ADAMTS16: variants seen among roughly 807,000 people sequenced by gnomAD.
ADAMTS16 encodes ADAM metallopeptidase with thrombospondin type 1 motif 16.
Under a neutral mutation model 145.8 loss-of-function variants are expected in ADAMTS16, and 94 were observed. The ratio of observed to expected loss-of-function variants is 0.64; its 90% CI spans 0.55 to 0.77. ADAMTS16 has a LOEUF of 0.77. Ranked by LOEUF, ADAMTS16 falls within the 30% of genes least tolerant of loss-of-function variation. The pLI is 0.00. For synonymous variants in ADAMTS16, 659 were observed against 604.3 expected (o/e 1.09, Z -1.33); for missense variants, 1,585 against 1,591.5 (o/e 1.00, Z 0.07).
Position 5,215,975 on chromosome 5 carries a change from A to G in ADAMTS16, c.1605+6729A>G, listed in dbSNP as rs185722074. Among the ~76,000 whole-genome samples, 1,240 of 144,592 alleles carry G rather than the reference A, an allele frequency of 8.6e-3. 21 individuals are homozygous for G. The highest frequency in any genetic ancestry group is 0.031 in the African/African-American group (1,184 of 38,156). The allele number at this position is 144,592 out of a possible 152,430, so 94.9% of individuals were successfully genotyped here. On this transcript the variant is annotated intron_variant, in intron 10 of 22. Transcript: ENST00000274181. ...ATTTGGGTTGGTTTCACAATTTTGC[A>G]ATTGTAAATTGTGCTGCTATAAACA...
At position 5,140,478 on chromosome 5, in the gene ADAMTS16, G is replaced by C; in HGVS notation, c.11G>C (p.Arg4Pro). 6.6e-7 allele frequency: 1 copy of C among 1,512,778 alleles called. No individual in the cohort carries two copies. 93.7% of individuals were successfully genotyped at this position (1,512,778 alleles called of 1,614,324 possible). A position where few individuals can be genotyped will look rare whatever the true frequency, so the allele number is the denominator to read the frequency against. The change falls in exon 1 of 23, where the codon CGC (arginine) becomes CCC (proline). Residue 4 changes from arginine (R) to proline (P), a missense_variant. Physicochemically the swap from Arg to Pro is moderately radical, Grantham distance 103. Around this residue, in one of 3 missense-constraint regions of ADAMTS16, gnomAD observed 453 missense variants for 412.1 expected, o/e 1.10. Coordinates refer to ENST00000274181, the MANE Select transcript of ADAMTS16 (RefSeq NM_139056.4). MKPRARGWRGLAAL... is the reference protein window; with the variant it reads MKPPARGWRGLAAL... ...TCGGAGCGCTCCTGGATGAAGCCCC[G>C]CGCGCGCGGATGGCGGGGCTTGGCG...
At position 5,187,079 on chromosome 5, in the gene ADAMTS16, C is replaced by T. The variant is rs115740624; in HGVS notation, c.964-646C>T. On this transcript the variant is annotated intron_variant, in intron 5 of 22. Transcript: ENST00000274181. ...ACCTTCCCGCTGCACGGGGTCAAAGCAAGCACGGCCCTGTTGTCCTCAGCA... is the reference window on the plus strand; with the variant it reads ...ACCTTCCCGCTGCACGGGGTCAAAGTAAGCACGGCCCTGTTGTCCTCAGCA... Among the ~76,000 whole-genome samples, 460 of 152,312 alleles carry T rather than the reference C, an allele frequency of 3.0e-3. 2 individuals carry two copies. The highest frequency in any genetic ancestry group is 0.011 in the African/African-American group (450 of 41,566).
In ADAMTS16 at chr5:5,234,869, C is replaced by CAGAAA. The variant is rs539592178; in HGVS notation, c.1851-144_1851-143insGAAAA. ...TGGGTGACAGAGCGAGACTCCATCTCAAAAAAAAAAAAAAAAAAAGAATCC... is the reference window on the plus strand; with the variant it reads ...TGGGTGACAGAGCGAGACTCCATCTCAGAAAAAAAAAAAAAAAAAAAAAAGAATCC... On this transcript the variant is annotated intron_variant, in intron 12 of 22. Transcript: ENST00000274181. The CAGAAA allele has an allele frequency of 1.0e-3, 58 of 56,474 alleles. 2 individuals are homozygous for CAGAAA. Among genetic ancestry groups the CAGAAA allele is most frequent in the South Asian group, 4.1e-3 (12 of 2,926 alleles). 3.5% of individuals were successfully genotyped at this position (56,474 alleles called of 1,614,324 possible).
At chr5:5,156,245 A>G (rs1734599036) in intron 3 of ADAMTS16, among the ~76,000 whole-genome samples, 1 of 152,212 alleles carries the variant, frequency 6.6e-6, no homozygotes, top group South Asian at 2.1e-4. Flanking sequence ...CAAGCTGCCT[A>G]CTACCCTAAG....
intron 10 of ADAMTS16, among the ~76,000 whole-genome samples, chr5:5,210,889 T>C (rs1360038785): frequency 6.6e-6 from 1 of 152,234 alleles, no homozygotes; most frequent in Non-Finnish European, 1.5e-5. Context: ...TCTTTAGTTT[T>C]TTCCATTGGA....
At chr5:5,245,706 C>T (rs545874860) in intron 17 of ADAMTS16, among the ~76,000 whole-genome samples, 14 of 152,252 alleles carry the variant, frequency 9.2e-5, no homozygotes, top group Admixed American at 3.9e-4. Flanking sequence ...CAAAAGAGGA[C>T]GGATAAATCT....
intron 3 of ADAMTS16, among the ~76,000 whole-genome samples, chr5:5,158,270 G>GT (rs1247130868): frequency 2.0e-5 from 3 of 152,272 alleles, no homozygotes; most frequent in African/African-American, 7.2e-5. Context: ...GATTCCTACA[G>GT]TACCACCACT....
At chr5:5,191,865 C>CAAT in intron 8 of ADAMTS16, 75 bp downstream of exon 8, 1 of 1,113,148 alleles carries the variant, frequency 9.0e-7, no homozygotes, top group Non-Finnish European at 1.3e-6. Context: ...AATATTGACT[C>CAAT]ATCAAGTCAA....
chr5:5,141,048 T>C (rs1734155757), intron 2 of ADAMTS16, among the ~76,000 whole-genome samples: 1 of 152,158 alleles, frequency 6.6e-6, no homozygotes, highest in Admixed American at 6.5e-5. Context: ...CTAAAGAGCT[T>C]AGGAAGAATC....
intron 17 of ADAMTS16, among the ~76,000 whole-genome samples, chr5:5,254,792 C>T (rs1737731661): frequency 1.3e-5 from 2 of 152,090 alleles, no homozygotes; most frequent in African/African-American, 4.8e-5. Context: ...CCTGCCTTCT[C>T]TTAATTTATT....
intron 10 of ADAMTS16, among the ~76,000 whole-genome samples, chr5:5,219,787 T>G (rs1356841092): frequency 6.6e-6 from 1 of 152,232 alleles, no homozygotes; most frequent in Non-Finnish European, 1.5e-5. Context: ...GACTTGGCAG[T>G]GAGCTGTCAC....
At chr5:5,284,142 A>C (rs1245181367) in intron 18 of ADAMTS16, among the ~76,000 whole-genome samples, 3 of 152,180 alleles carry the variant, frequency 2.0e-5, no homozygotes, top group Non-Finnish European at 2.9e-5. Context: ...TAATACTACT[A>C]TAGTTGCCTC....
chr5:5,202,430 C>A (rs1430522020), intron 9 of ADAMTS16, among the ~76,000 whole-genome samples: 2 of 152,242 alleles, frequency 1.3e-5, no homozygotes, highest in Non-Finnish European at 2.9e-5. Flanking sequence ...CTACAACTGA[C>A]ATGATGCATA....
chr5:5,152,138 C>A (rs1465732169), intron 3 of ADAMTS16, among the ~76,000 whole-genome samples: 1 of 152,234 alleles, frequency 6.6e-6, no homozygotes, highest in Admixed American at 6.5e-5. Context: ...ATGAAATTCC[C>A]ACATTCTGCT....
intron 18 of ADAMTS16, among the ~76,000 whole-genome samples, chr5:5,264,402 C>T (rs1738158507): frequency 6.6e-6 from 1 of 152,124 alleles, no homozygotes; most frequent in African/African-American, 2.4e-5. Flanking sequence ...AGACTTAATA[C>T]AAGATAATCT....
At chr5:5,174,725 A>G (rs1334747870) in intron 3 of ADAMTS16, among the ~76,000 whole-genome samples, 1 of 152,156 alleles carries the variant, frequency 6.6e-6, no homozygotes. Flanking sequence ...AAATTCTGCT[A>G]TTAAGATTCT....
At chr5:5,290,095 T>C (rs945120776) in intron 18 of ADAMTS16, among the ~76,000 whole-genome samples, 2 of 152,254 alleles carry the variant, frequency 1.3e-5, no homozygotes, top group Non-Finnish European at 2.9e-5. Flanking sequence ...TTCTCAGCGA[T>C]TTAGGAAACA....
At chr5:5,183,343 C>T (rs980952113) in intron 4 of ADAMTS16, among the ~76,000 whole-genome samples, 7 of 152,186 alleles carry the variant, frequency 4.6e-5, no homozygotes, top group South Asian at 4.1e-4. Flanking sequence ...GCGTGCATAT[C>T]GGCAACAGCT....
chr5:5,251,428 A>G (rs549440740), intron 17 of ADAMTS16, among the ~76,000 whole-genome samples: 11 of 152,364 alleles, frequency 7.2e-5, no homozygotes, highest in African/African-American at 2.2e-4. Context: ...CTATAAACAA[A>G]TAATGCTTCT....
Sources: allele counts gnomAD v4.1 joint callset (sites outside exome capture counted in the v4.1 genomes callset), GRCh38; gene constraint gnomAD v4.1.1; regional missense constraint gnomAD v4.1.1; transcripts MANE v1.5; gene names NCBI Gene and HGNC (gene_info 2026-07-23, HGNC 2026-07-21).